The following ASB5 variants were observed in gnomAD, a reference collection of about 807,000 sequenced individuals.
ASB5 encodes ankyrin repeat and SOCS box protein 5.
A neutral mutation model predicts 42.1 loss-of-function variants in ASB5; 45 were observed. The observed-to-expected ratio is 1.07, with a 90% confidence interval of 0.84 to 1.37. ASB5 has a LOEUF of 1.37. ASB5 is among the 40% of genes most tolerant of loss of function. ASB5 has a pLI of 0.00. For synonymous variants in ASB5, 147 were observed against 150.6 expected, an observed-to-expected ratio of 0.98 and a Z score of 0.18; for missense variants, 402 against 399.8, an observed-to-expected ratio of 1.01 and a Z score of -0.05.
intron 1 of ASB5, among the ~76,000 whole-genome samples, chr4:176,252,679 G>A (rs1486326904): frequency 6.6e-6 from 1 of 152,208 alleles, no homozygotes; most frequent in Non-Finnish European, 1.5e-5. Flanking sequence ...CAAAGACTCT[G>A]AAAGACAGAT....
At chr4:176,258,137 A>G (rs1754190499) in intron 1 of ASB5, among the ~76,000 whole-genome samples, 1 of 152,238 alleles carries the variant, frequency 6.6e-6, no homozygotes, top group South Asian at 2.1e-4. Flanking sequence ...TATGATATAG[A>G]AAGTTAACAT....
At chr4:176,241,681 G>A (rs1379996785) in intron 1 of ASB5, 17 of 1,333,188 alleles carry the variant, frequency 1.3e-5, no homozygotes, top group Non-Finnish European at 1.5e-5. Flanking sequence ...GTGAGTGAGG[G>A]CAGATGAGGT....
At chr4:176,233,656 A>G (rs1196791350) in intron 1 of ASB5, among the ~76,000 whole-genome samples, 1 of 151,876 alleles carries the variant, frequency 6.6e-6, no homozygotes, top group Non-Finnish European at 1.5e-5. Flanking sequence ...GTTTTTTTCC[A>G]TTGTTGCGGT....
chr4:176,262,560 T>C (rs1560821306), intron 1 of ASB5, among the ~76,000 whole-genome samples: 3 of 152,208 alleles, frequency 2.0e-5, no homozygotes, highest in African/African-American at 7.2e-5. Context: ...TCTACATACA[T>C]TTCTCTGTAT....
At chr4:176,273,740 A>G (rs1754516016), upstream of ASB5, among the ~76,000 whole-genome samples, 1 of 152,252 alleles carries the variant, frequency 6.6e-6, no homozygotes, top group Admixed American at 6.5e-5. Context: ...TTTAGGTTAA[A>G]TGAGCTCTAT....
intron 1 of ASB5, among the ~76,000 whole-genome samples, chr4:176,232,383 C>T (rs1227278279): frequency 6.6e-6 from 1 of 152,056 alleles, no homozygotes; most frequent in Non-Finnish European, 1.5e-5. Context: ...CTCGGCCTCC[C>T]AAAGTGCTGG....
intron 5 of ASB5, 62 bp from the exon 6 acceptor site, chr4:176,217,071 C>A: frequency 7.3e-7 from 1 of 1,378,500 alleles, no homozygotes; most frequent in Non-Finnish European, 9.9e-7. Flanking sequence ...CCAGCTGCCT[C>A]AGTGGGGATA....
At chr4:176,219,907 G>A (rs1340961558) in intron 5 of ASB5, among the ~76,000 whole-genome samples, 14 of 151,920 alleles carry the variant, frequency 9.2e-5, no homozygotes, top group Non-Finnish European at 1.5e-5. Flanking sequence ...TCTAGCAAAG[G>A]AATGAAAGGC....
intron 1 of ASB5, among the ~76,000 whole-genome samples, chr4:176,260,130 C>T (rs893255692): frequency 1.3e-5 from 2 of 152,238 alleles, no homozygotes; most frequent in East Asian, 3.9e-4. Context: ...TATTTTATCC[C>T]TTTCTTTGAA....
chr4:176,218,466 T>TATATATATTTGTATGATATATAA (rs1753051717), intron 5 of ASB5, among the ~76,000 whole-genome samples: 1 of 86,260 alleles, frequency 1.2e-5, no homozygotes, highest in Admixed American at 1.5e-4. Flanking sequence ...GATATATAAA[T>TATATATATTTGTATGATATATAA]ATATATATAT....
intron 2 of ASB5, 143 bp from the exon 3 acceptor site, chr4:176,222,563 T>C (rs1217877731): frequency 2.7e-6 from 2 of 732,988 alleles, no homozygotes; most frequent in Non-Finnish European, 4.5e-6. Context: ...GATAGGCCAG[T>C]TCAAATGCCA....
At chr4:176,262,492 T>C (rs1754283337) in intron 1 of ASB5, among the ~76,000 whole-genome samples, 1 of 152,208 alleles carries the variant, frequency 6.6e-6, no homozygotes, top group South Asian at 2.1e-4. Flanking sequence ...AGAGAATGTG[T>C]GTATTGTTAG....
At chr4:176,247,872 A>G (rs991114391) in intron 1 of ASB5, among the ~76,000 whole-genome samples, 1 of 152,220 alleles carries the variant, frequency 6.6e-6, no homozygotes, top group African/African-American at 2.4e-5. Flanking sequence ...GCCACAGAAG[A>G]TATTTGTAAA....
chr4:176,265,478 G>A (rs977152261), intron 1 of ASB5, among the ~76,000 whole-genome samples: 22 of 152,252 alleles, frequency 1.4e-4, no homozygotes, highest in African/African-American at 4.6e-4. Context: ...TGCCTTTTAT[G>A]TATACCGTAT....
At chr4:176,272,615 C>G (rs144746855), upstream of ASB5, among the ~76,000 whole-genome samples, 1 of 152,118 alleles carries the variant, frequency 6.6e-6, no homozygotes, top group African/African-American at 2.4e-5. Context: ...TTCCTCCTTT[C>G]GAGTCTCTTG....
chr4:176,271,258 C>A (rs1754464378), upstream of ASB5, among the ~76,000 whole-genome samples: 1 of 152,082 alleles, frequency 6.6e-6, no homozygotes. Context: ...AAAAATTAAG[C>A]CCAAATAAAA....
intron 1 of ASB5, among the ~76,000 whole-genome samples, chr4:176,240,517 C>T (rs1202720690): frequency 2.0e-5 from 3 of 152,134 alleles, no homozygotes; most frequent in African/African-American, 4.8e-5. Context: ...GAAGACACTT[C>T]TGCAGCAGGG....
At chr4:176,276,646 T>C (rs532617499) in intron 1 of ASB5, among the ~76,000 whole-genome samples, 1 of 152,238 alleles carries the variant, frequency 6.6e-6, no homozygotes, top group Non-Finnish European at 1.5e-5. Context: ...GTTTTAGAAA[T>C]AAAACATATC....
upstream of ASB5, among the ~76,000 whole-genome samples, chr4:176,273,742 G>T (rs1754516075): frequency 4.6e-5 from 7 of 152,170 alleles, no homozygotes; most frequent in Admixed American, 4.6e-4. Flanking sequence ...TAGGTTAAAT[G>T]AGCTCTATTC....
Sources: allele counts gnomAD v4.1 joint callset (sites outside exome capture counted in the v4.1 genomes callset), GRCh38; gene constraint gnomAD v4.1.1; transcripts MANE v1.5; gene names NCBI Gene and HGNC (gene_info 2026-07-23, HGNC 2026-07-21).